The following LILRA4 variants were observed in gnomAD, a reference collection of about 807,000 sequenced individuals.
The protein encoded by LILRA4 is leukocyte immunoglobulin like receptor A4, also known as leukocyte immunoglobulin-like receptor subfamily A member 4.
In LILRA4, 51 loss-of-function variants were observed where a neutral mutation model predicts 49.5. The ratio of observed to expected loss-of-function variants is 1.03; its 90% CI spans 0.82 to 1.30. LILRA4 has a LOEUF of 1.30. Among genes scored for constraint, LILRA4 ranks in the 50% most tolerant of loss-of-function variants. LILRA4 has a pLI of 0.00. For missense variants in LILRA4, 624 were observed against 625.6 expected, an observed-to-expected ratio of 1.00 and a Z score of 0.03; for synonymous variants, 272 against 265.6, an observed-to-expected ratio of 1.02 and a Z score of -0.23.
chr19:54,337,281 G>C (rs1288763467), intron 5 of LILRA4, 119 bp downstream of exon 5: 20 of 1,464,600 alleles, frequency 1.4e-5, no homozygotes, highest in Admixed American at 1.1e-4. Context: ...CCCTGTCTCT[G>C]TCTGTCTCTC....
rs375640522 is a variant in LILRA4, at chr19:54,337,161, G to A, written c.953-18C>T. The A allele has an allele frequency of 4.1e-4, 650 of 1,600,896 alleles. 2 individuals are homozygous for A. The highest frequency in any genetic ancestry group is 2.3e-3 in the South Asian group (205 of 88,778). The stretch of plus-strand genomic sequence containing the variant: ...GATCTGTCCTGGAGAAAAGAAGGAC[G>A]GGTGAGGGGCTGCCCCACCTTGTTC... On this transcript the variant is annotated intron_variant, in intron 5 of 7. Transcript: ENST00000291759.
Position 54,333,965 on chromosome 19 carries a change from C to T in LILRA4, c.1256G>A (p.Gly419Glu). Residue 419 changes from glycine to glutamate, a missense_variant and splice_region_variant, in exon 7 of 8, where the codon GGA (glycine) becomes GAA (glutamate). Gly to Glu is a moderately conservative substitution (Grantham distance 98). Transcript: ENST00000291759. ...TGCTGGATTGAGGGTCTCAGTTGCT[C>T]CTAAGAATCAAAGAATAAGGATGTT... ...PSEPLELVVS[G>E]ATETLNPAQK... The T allele has an allele frequency of 6.2e-7, 1 of 1,613,600 alleles. No individual in the cohort carries two copies. The highest frequency in any genetic ancestry group is 8.5e-7 in the Non-Finnish European group (1 of 1,179,520).
chr19:54,336,877 A>G lies in LILRA4; in HGVS notation c.1219T>C (p.Ser407Pro). 1 of 1,496,410 alleles carries G rather than the reference A, an allele frequency of 6.7e-7. No individual in the cohort carries two copies. The highest frequency in any genetic ancestry group is 1.2e-5 in the South Asian group (1 of 85,024). The allele number at this position is 1,496,410 out of a possible 1,614,324, so 92.7% of individuals were successfully genotyped here. A position where few individuals can be genotyped will look rare whatever the true frequency, so the allele number is the denominator to read the frequency against. ...AGCTCCAGGGGCTCACTGGGGTGAG[A>G]CAGCAGGTAGGGGTTGGAGCTGCGT... ...GSRSSNPYLL[S>P]HPSEPLELVV... The change falls in exon 6 of 8, where the codon TCT becomes CCT. Residue 407 changes from serine to proline, a missense_variant. By Grantham distance (74) the Ser-to-Pro change is moderately conservative (BLOSUM62 -1). Transcript: ENST00000291759.
intron 5 of LILRA4, 36 bp from the exon 6 acceptor site, chr19:54,337,179 C>A: frequency 6.3e-7 from 1 of 1,584,528 alleles, no homozygotes; most frequent in Non-Finnish European, 8.6e-7. Context: ...GGCTGCCCCA[C>A]CTTGTTCTGA....
intron 6 of LILRA4, 129 bp downstream of exon 6, chr19:54,336,712 G>A: frequency 1.4e-6 from 2 of 1,403,568 alleles, no homozygotes; most frequent in South Asian, 1.4e-5. Context: ...GGCTCACAAA[G>A]GCCGGGGCTG....
At position 54,338,393 on chromosome 19, in the gene LILRA4, C is replaced by G; in HGVS notation, c.355+3G>C. On this transcript the variant is annotated splice_donor_region_variant and intron_variant, in intron 3 of 7. Coordinates refer to ENST00000291759, the MANE Select transcript of LILRA4 (RefSeq NM_012276.5). ...GGGCTGGGACCCCTGAGTGTCCTCTCACCTGTCACCACCAGCTCCAGGGGG... is the reference window on the plus strand; with the variant it reads ...GGGCTGGGACCCCTGAGTGTCCTCTGACCTGTCACCACCAGCTCCAGGGGG... 1.9e-6 allele frequency: 3 copies of G among 1,613,902 alleles called. No homozygotes were observed. Among genetic ancestry groups the G allele is most frequent in the Non-Finnish European group, 2.5e-6 (3 of 1,179,956 alleles).
rs1479729066 is a variant in LILRA4, at chr19:54,337,391, G to T, written c.952+9C>A. On this transcript the variant is annotated intron_variant, in intron 5 of 7. Coordinates refer to ENST00000291759, the MANE Select transcript of LILRA4 (RefSeq NM_012276.5). ...GGGTCCCCCTGACTGAACCCGCTGGGCTCCTCACCTGCGATCAGGATATCC... is the reference window on the plus strand; with the variant it reads ...GGGTCCCCCTGACTGAACCCGCTGGTCTCCTCACCTGCGATCAGGATATCC... The T allele has an allele frequency of 3.1e-6, 5 of 1,610,892 alleles. No individual in the cohort carries two copies. Among genetic ancestry groups the T allele is most frequent in the Non-Finnish European group, 4.2e-6 (5 of 1,179,564 alleles).
chr19:54,339,052 G>T lies in LILRA4; in HGVS notation c.34+8C>A. ...CTAGGGTCTCTCCTCCCCCTCTTAA[G>T]ATCTCACCAAAGAAGAGCAGGCTTG... On this transcript the variant is annotated splice_region_variant and intron_variant, in intron 1 of 7. Coordinates refer to ENST00000291759, the MANE Select transcript of LILRA4 (RefSeq NM_012276.5). The T allele has an allele frequency of 1.2e-6, 2 of 1,614,146 alleles. No homozygotes were observed. The highest frequency in any genetic ancestry group is 1.7e-6 in the Non-Finnish European group (2 of 1,179,984).
intron 6 of LILRA4, chr19:54,334,449 A>G (rs1311163254): frequency 6.4e-6 from 1 of 157,414 alleles, no homozygotes; most frequent in African/African-American, 2.4e-5. Context: ...TGCGCCTCAG[A>G]CAGCTCCCCT....
At chr19:54,335,905 G>A (rs1302123913) in intron 6 of LILRA4, 4 of 152,128 alleles carry the variant, frequency 2.6e-5, no homozygotes, top group Admixed American at 1.3e-4. Flanking sequence ...ATGTAACTAC[G>A]TATATATTCA....
intron 6 of LILRA4, chr19:54,336,158 GA>G (rs1464088356): frequency 6.6e-6 from 1 of 152,618 alleles, no homozygotes; most frequent in African/African-American, 2.4e-5. Context: ...ACCACAGAGG[GA>G]ACACCTGCTC....
Position 54,337,924 on chromosome 19 carries a change from C to T in LILRA4, c.655+12G>A, listed in dbSNP as rs773514304. 43 of 1,598,048 alleles carry T rather than the reference C, an allele frequency of 2.7e-5. No homozygotes were observed. In the Admixed American group the frequency reaches 4.6e-4, roughly 17 times the overall value. ...CCTGACTTTGTATAAGGAAAAGCTA[C>T]GGCTTCCTCACCTGACACCAGTAGC... On this transcript the variant is annotated intron_variant, in intron 4 of 7. Coordinates refer to ENST00000291759, the MANE Select transcript of LILRA4 (RefSeq NM_012276.5).
chr19:54,338,096 G>A lies in LILRA4; in HGVS notation c.495C>T (p.Thr165=), dbSNP rs371092358. 91 of 1,613,944 alleles carry A rather than the reference G, an allele frequency of 5.6e-5. No homozygotes were observed. The highest frequency in any genetic ancestry group is 7.5e-5 in the Non-Finnish European group (88 of 1,179,984). The part of the protein sequence containing the change: ...IEEGDHRLSW[T]LNSHQHNHGK... The stretch of plus-strand genomic sequence containing the variant: ...CATGGTTGTGTTGGTGTGAGTTCAG[G>A]GTCCAGGAGAGCCTGTGGTCTCCTT... The change falls in exon 4 of 8, where the codon ACC becomes ACT. Residue 165 remains threonine, a synonymous_variant. Coordinates refer to ENST00000291759, the MANE Select transcript of LILRA4 (RefSeq NM_012276.5).
At chr19:54,335,271 T>C (rs947469697) in intron 6 of LILRA4, 6 of 152,292 alleles carry the variant, frequency 3.9e-5, no homozygotes, top group African/African-American at 7.2e-5. Context: ...GCTCTCATGA[T>C]AGTGAGTTGT....
At chr19:54,335,905 G>T (rs1302123913) in intron 6 of LILRA4, 1 of 152,128 alleles carries the variant, frequency 6.6e-6, no homozygotes, top group African/African-American at 2.4e-5. Context: ...ATGTAACTAC[G>T]TATATATTCA....
intron 6 of LILRA4, chr19:54,334,560 A>T (rs1311369917): frequency 6.6e-6 from 1 of 152,276 alleles, no homozygotes; most frequent in Non-Finnish European, 1.5e-5. Context: ...TTCTTTTCTA[A>T]ATGATAATGA....
chr19:54,337,867 G>A (rs756952597), intron 4 of LILRA4, 69 bp downstream of exon 4: 54 of 1,520,752 alleles, frequency 3.6e-5, no homozygotes, highest in Middle Eastern at 2.4e-4. Flanking sequence ...GGGCTAGCCC[G>A]AGGGTAAGGC....
At chr19:54,334,054 T>C (rs1436070485) in intron 6 of LILRA4, 89 bp from the exon 7 acceptor site, 1 of 1,035,900 alleles carries the variant, frequency 9.7e-7, no homozygotes, top group East Asian at 2.4e-5. Flanking sequence ...CCTCTCATGG[T>C]GTGACTTTAT....
At position 54,337,580 on chromosome 19, in the gene LILRA4, C is replaced by T; in HGVS notation, c.772G>A (p.Glu258Lys). ...CGCTGGGGGAGGCCATCGGCCCCCT[C>T]CTTGTACAGAGTGTATCTGATGTAG... is the stretch of plus-strand genomic sequence containing the variant. ...VGYIRYTLYK[E>K]GADGLPQRPG... Residue 258 changes from glutamate (E) to lysine (K), a missense_variant, in exon 5 of 8, where the codon GAG becomes AAG. Physicochemically the swap from Glu to Lys is moderately conservative, Grantham distance 56. Coordinates refer to ENST00000291759, the MANE Select transcript of LILRA4 (RefSeq NM_012276.5). The T allele has an allele frequency of 6.2e-7, 1 of 1,613,636 alleles. No homozygotes were observed. The highest frequency in any genetic ancestry group is 8.5e-7 in the Non-Finnish European group (1 of 1,179,912).
Sources: gnomAD v4.1 joint callset for allele counts on GRCh38, gnomAD v4.1.1 for gene constraint, MANE v1.5 for transcripts, NCBI Gene and HGNC (gene_info 2026-07-23, HGNC 2026-07-21) for gene names.